Variants in JMJD1C observed in about 807,000 individuals in gnomAD.
JMJD1C encodes jumonji domain-containing protein 1C.
A neutral mutation model predicts 245.3 loss-of-function variants in JMJD1C; 31 were observed. The observed-to-expected ratio is 0.13, with a 90% CI of 0.09 to 0.17. The LOEUF is 0.17. Ranked by LOEUF, JMJD1C falls within the 10% of genes least tolerant of loss-of-function variation. The probability of loss-of-function intolerance (pLI) is 1.00; values close to 1 mark genes in which losing one functional copy is unlikely to be tolerated. For synonymous variants in JMJD1C, 1,057 were observed against 1,017.4 expected, an observed-to-expected ratio of 1.04 and a Z score of -0.74; for missense variants, 2,691 against 3,000.2, an observed-to-expected ratio of 0.90 and a Z score of 2.41.
chr10:63,454,940 A>G (rs12257258), intron 1 of JMJD1C, among the ~76,000 whole-genome samples: 21,815 of 152,150 alleles, frequency 0.14, 3,592 homozygotes, highest in African/African-American at 0.4. Flanking sequence ...AAAATACTTC[A>G]TAAGTTGAAT....
intron 2 of JMJD1C, among the ~76,000 whole-genome samples, chr10:63,302,374 T>A (rs951105203): frequency 6.6e-6 from 1 of 152,206 alleles, no homozygotes; most frequent in Non-Finnish European, 1.5e-5. Flanking sequence ...TATATACTCA[T>A]AACCAGCAAT....
At chr10:63,509,752 G>A (rs1954820361) in intron 1 of JMJD1C, among the ~76,000 whole-genome samples, 1 of 152,128 alleles carries the variant, frequency 6.6e-6, no homozygotes. Context: ...CTGTAAAGAT[G>A]CTGCTCTTTC....
chr10:63,433,227 G>A (rs1168488265), intron 1 of JMJD1C, among the ~76,000 whole-genome samples: 1 of 151,916 alleles, frequency 6.6e-6, no homozygotes, highest in African/African-American at 2.4e-5. Flanking sequence ...CTCCCGAGTA[G>A]CTGGGATTAC....
intron 19 of JMJD1C, 101 bp from the exon 20 acceptor site, chr10:63,185,754 C>T (rs919796688): frequency 2.8e-6 from 2 of 721,646 alleles, no homozygotes; most frequent in African/African-American, 3.5e-5. Flanking sequence ...TTGATTGTTG[C>T]ACATTACATG....
At chr10:63,350,484 CA>C (rs1321669158) in intron 2 of JMJD1C, among the ~76,000 whole-genome samples, 2 of 152,046 alleles carry the variant, frequency 1.3e-5, no homozygotes, top group Non-Finnish European at 2.9e-5. Flanking sequence ...TATAGGTAAA[CA>C]CATTTAAAAC....
At chr10:63,516,620 G>C (rs895124411) in intron 1 of JMJD1C, among the ~76,000 whole-genome samples, 1 of 152,122 alleles carries the variant, frequency 6.6e-6, no homozygotes, top group Non-Finnish European at 1.5e-5. Context: ...TTACCATGAA[G>C]GAAAAACAAA....
At chr10:63,480,058 A>C (rs1564961092) in intron 1 of JMJD1C, among the ~76,000 whole-genome samples, 1 of 152,242 alleles carries the variant, frequency 6.6e-6, no homozygotes, top group Non-Finnish European at 1.5e-5. Flanking sequence ...CATTACAAAA[A>C]AGAATGAATA....
intron 20 of JMJD1C, 135 bp from the exon 21 acceptor site, chr10:63,184,873 G>C: frequency 1.3e-6 from 1 of 757,058 alleles, no homozygotes; most frequent in Non-Finnish European, 2.1e-6. Context: ...CTTGACTCAA[G>C]TGATACTGAC....
intron 1 of JMJD1C, among the ~76,000 whole-genome samples, chr10:63,458,735 T>A (rs796932632): frequency 3.2e-5 from 3 of 94,060 alleles, no homozygotes; most frequent in Non-Finnish European, 6.8e-5. Context: ...TTATTTATTT[T>A]TTTTTTGAGG....
chr10:63,402,736 T>C (rs188429746), intron 1 of JMJD1C, among the ~76,000 whole-genome samples: 1 of 152,312 alleles, frequency 6.6e-6, no homozygotes, highest in East Asian at 1.9e-4. Context: ...GATTTACTTT[T>C]TAGCAGTTTA....
At chr10:63,353,306 T>C (rs1357356587) in intron 2 of JMJD1C, among the ~76,000 whole-genome samples, 2 of 152,088 alleles carry the variant, frequency 1.3e-5, no homozygotes, top group Non-Finnish European at 2.9e-5. Context: ...GTGAATAAGA[T>C]TTGGGAAGGG....
At position 63,292,143 on chromosome 10, in the gene JMJD1C, G is replaced by GTTTTTTTTTTTTTTTTTT. The variant is rs1396774570; in HGVS notation, c.334-27380_334-27379insAAAAAAAAAAAAAAAAAA. ...ATTTTTTTTAGTTTCTGTAGAGACAGATTTTTTTTTTTTTTTTTTTGCCTA... is the reference window on the plus strand; with the variant it reads ...ATTTTTTTTAGTTTCTGTAGAGACAGTTTTTTTTTTTTTTTTTTATTTTTTTTTTTTTTTTTTTGCCTA... On this transcript the variant is annotated intron_variant, in intron 2 of 25. Transcript: ENST00000399262. 3.7e-4 allele frequency among the ~76,000 whole-genome samples: 5 copies of GTTTTTTTTTTTTTTTTTT among 13,520 alleles called. 1 individual carries two copies. Among genetic ancestry groups the GTTTTTTTTTTTTTTTTTT allele is most frequent in the Non-Finnish European group, 7.1e-4 (4 of 5,672 alleles). 8.9% of individuals were successfully genotyped at this position (13,520 alleles called of 152,430 possible).
intron 3 of JMJD1C, among the ~76,000 whole-genome samples, chr10:63,220,649 G>GA (rs1270475294): frequency 6.6e-6 from 1 of 152,264 alleles, no homozygotes; most frequent in East Asian, 1.9e-4. Context: ...ACAGTCACGT[G>GA]ATTTCCCACA....
At chr10:63,369,684 C>G (rs760649038) in intron 2 of JMJD1C, among the ~76,000 whole-genome samples, 1 of 152,158 alleles carries the variant, frequency 6.6e-6, no homozygotes, top group Non-Finnish European at 1.5e-5. Flanking sequence ...TAAATGTAGA[C>G]GTTCAAATAT....
intron 1 of JMJD1C, among the ~76,000 whole-genome samples, chr10:63,453,880 ACCCG>A (rs1482675015): frequency 4.6e-5 from 7 of 152,086 alleles, no homozygotes; most frequent in African/African-American, 1.7e-4. Context: ...CTGGAACTAC[ACCCG>A]GCTAATTTTT....
At chr10:63,348,066 A>AT (rs1264454635) in intron 2 of JMJD1C, among the ~76,000 whole-genome samples, 2 of 152,102 alleles carry the variant, frequency 1.3e-5, no homozygotes, top group African/African-American at 4.8e-5. Flanking sequence ...AAATACAAAA[A>AT]TTAGCCAGGT....
intron 2 of JMJD1C, among the ~76,000 whole-genome samples, chr10:63,356,946 C>A (rs1409645531): frequency 1.3e-5 from 2 of 152,150 alleles, no homozygotes; most frequent in Non-Finnish European, 2.9e-5. Context: ...ATAATAGTGT[C>A]TACCTCAAAA....
intron 2 of JMJD1C, among the ~76,000 whole-genome samples, chr10:63,348,821 G>A (rs1422382922): frequency 1.3e-5 from 2 of 151,996 alleles, no homozygotes; most frequent in African/African-American, 4.8e-5. Context: ...ACTAAAGAGA[G>A]TCTGGGCGGT....
intron 1 of JMJD1C, among the ~76,000 whole-genome samples, chr10:63,388,547 C>A (rs1392541617): frequency 6.6e-6 from 1 of 151,984 alleles, no homozygotes; most frequent in Non-Finnish European, 1.5e-5. Flanking sequence ...AGAATATAAA[C>A]CCCAGTGGTA....
Sources: gnomAD v4.1 joint callset for allele counts (sites outside exome capture counted in the v4.1 genomes callset) on GRCh38, gnomAD v4.1.1 for gene constraint, MANE v1.5 for transcripts, NCBI Gene and HGNC (gene_info 2026-07-23, HGNC 2026-07-21) for gene names.